The following CTNNA2 variants were observed in gnomAD, a reference collection of about 807,000 sequenced individuals.
CTNNA2 encodes catenin alpha-2.
CTNNA2 carries 42 observed loss-of-function variants against 101.0 expected under a neutral mutation model. The observed-to-expected ratio is 0.42, with a 90% CI of 0.32 to 0.54. CTNNA2 has a LOEUF of 0.54. CTNNA2 is among the 20% of genes least tolerant of loss of function. The probability of loss-of-function intolerance (pLI) is 0.14; values close to 1 mark genes in which losing one functional copy is unlikely to be tolerated. For synonymous variants in CTNNA2, 450 were observed against 456.4 expected, an observed-to-expected ratio of 0.99 and a Z score of 0.18; for missense variants, 871 against 1,223.1, an observed-to-expected ratio of 0.71 and a Z score of 4.29.
chr2:79,906,606 A>G (rs1282756240), intron 6 of CTNNA2, among the ~76,000 whole-genome samples: 1 of 152,194 alleles, frequency 6.6e-6, no homozygotes, highest in Non-Finnish European at 1.5e-5. Context: ...TGTAACTTTT[A>G]TGCAGAGTTT....
intron 4 of CTNNA2, among the ~76,000 whole-genome samples, chr2:79,411,112 T>C (rs1312396239): frequency 6.6e-6 from 1 of 152,164 alleles, no homozygotes; most frequent in Admixed American, 6.6e-5. Context: ...TATTCTCAGA[T>C]GGTAGTTTGT....
chr2:80,452,450 A>G lies in CTNNA2; in HGVS notation c.1290+32849A>G, dbSNP rs187920311. 8.9e-5 allele frequency among the ~76,000 whole-genome samples: 13 copies of G among 145,580 alleles called. No homozygotes were observed. In the East Asian group the frequency reaches 2.3e-3, roughly 26 times the overall value. On this transcript the variant is annotated intron_variant, in intron 9 of 18. Coordinates refer to ENST00000402739, the MANE Select transcript of CTNNA2 (RefSeq NM_001282597.3). ...TGTGTGCCCAATAGTTTTTAACCCA[A>G]TGGTCCATAAAATTCCATCTGTTTC...
intron 1 of CTNNA2, among the ~76,000 whole-genome samples, chr2:79,193,968 T>A (rs138892445): frequency 6.6e-6 from 1 of 152,252 alleles, no homozygotes; most frequent in African/African-American, 2.4e-5. Context: ...TTTATCATTA[T>A]GATAACTTCA....
At chr2:79,363,515 T>C (rs1416945161) in intron 3 of CTNNA2, among the ~76,000 whole-genome samples, 1 of 151,936 alleles carries the variant, frequency 6.6e-6, no homozygotes, top group Non-Finnish European at 1.5e-5. Flanking sequence ...TCTGTCTCTT[T>C]GTAGGTATTT....
chr2:80,324,936 GATCATT>G (rs1331945032), intron 7 of CTNNA2, among the ~76,000 whole-genome samples: 1 of 152,120 alleles, frequency 6.6e-6, no homozygotes, highest in Non-Finnish European at 1.5e-5. Flanking sequence ...GAAGGCATCA[GATCATT>G]ATCATAGCAC....
intron 4 of CTNNA2, among the ~76,000 whole-genome samples, chr2:79,486,741 T>C (rs1369622304): frequency 6.6e-6 from 1 of 152,192 alleles, no homozygotes; most frequent in African/African-American, 2.4e-5. Flanking sequence ...CACCTGTTGT[T>C]TCCTGACTTT....
chr2:79,706,902 G>T (rs1016962351), intron 2 of CTNNA2, among the ~76,000 whole-genome samples: 3 of 152,154 alleles, frequency 2.0e-5, no homozygotes, highest in Non-Finnish European at 4.4e-5. Context: ...ATATGGTAAG[G>T]TATGCTGCTT....
intron 1 of CTNNA2, among the ~76,000 whole-genome samples, chr2:79,562,596 A>G (rs901672083): frequency 1.3e-5 from 2 of 151,978 alleles, no homozygotes; most frequent in Admixed American, 6.6e-5. Flanking sequence ...ATAAAACATT[A>G]CCCAGCATTT....
At chr2:79,688,782 G>A (rs1428463824) in intron 2 of CTNNA2, among the ~76,000 whole-genome samples, 1 of 152,002 alleles carries the variant, frequency 6.6e-6, no homozygotes, top group Non-Finnish European at 1.5e-5. Context: ...TGATCTGGAG[G>A]GACAGAAATT....
At chr2:80,539,455 A>C (rs1339165537) in intron 9 of CTNNA2, among the ~76,000 whole-genome samples, 1 of 151,624 alleles carries the variant, frequency 6.6e-6, no homozygotes, top group Non-Finnish European at 1.5e-5. Context: ...TCTAGAAAGT[A>C]GTGCTAAACA....
At chr2:79,573,890 T>A (rs1248956491) in intron 1 of CTNNA2, 1 of 152,332 alleles carries the variant, frequency 6.6e-6, no homozygotes, top group East Asian at 1.9e-4. Context: ...AAGAGCAGTG[T>A]GGATTCTTTC....
At chr2:79,654,901 T>G (rs1178036441) in intron 2 of CTNNA2, among the ~76,000 whole-genome samples, 1 of 152,196 alleles carries the variant, frequency 6.6e-6, no homozygotes, top group Non-Finnish European at 1.5e-5. Context: ...TTTTTTATGG[T>G]CTGCAGTAAG....
intron 9 of CTNNA2, among the ~76,000 whole-genome samples, chr2:80,452,499 G>A (rs949962597): frequency 6.6e-6 from 1 of 151,498 alleles, no homozygotes; most frequent in Admixed American, 6.6e-5. Flanking sequence ...GTCTCATGGG[G>A]CTGATTGCCA....
intron 7 of CTNNA2, among the ~76,000 whole-genome samples, chr2:79,921,529 A>G (rs1169383921): frequency 6.6e-6 from 1 of 152,156 alleles, no homozygotes; most frequent in Non-Finnish European, 1.5e-5. Flanking sequence ...GTTGTTTTTC[A>G]AAACTTCTAA....
At position 80,187,542 on chromosome 2, in the gene CTNNA2, T is replaced by C. The variant is rs910402748; in HGVS notation, c.1057-205669T>C. On this transcript the variant is annotated intron_variant, in intron 7 of 18. Coordinates refer to ENST00000402739, the MANE Select transcript of CTNNA2 (RefSeq NM_001282597.3). ...CCTTTCCTTTTTTACAGAAAACATG[T>C]TTGTATTTCTAAGGGTTGTGTGGTT... Among the ~76,000 whole-genome samples, 56 of 152,294 alleles carry C rather than the reference T, an allele frequency of 3.7e-4. 1 individual carries two copies. Among genetic ancestry groups the C allele is most frequent in the Non-Finnish European group, 1.3e-4 (9 of 68,030 alleles).
intron 7 of CTNNA2, among the ~76,000 whole-genome samples, chr2:80,354,027 A>T (rs1252003340): frequency 6.6e-6 from 1 of 152,166 alleles, no homozygotes; most frequent in South Asian, 2.1e-4. Context: ...GGGTAAATGG[A>T]GGTAAATGAG....
chr2:80,484,814 G>A (rs1301179760), intron 9 of CTNNA2, among the ~76,000 whole-genome samples: 1 of 152,070 alleles, frequency 6.6e-6, no homozygotes, highest in Admixed American at 6.6e-5. Context: ...AGACCATCCT[G>A]GCTACCACGG....
At chr2:79,892,334 G>A (rs1684367659) in intron 6 of CTNNA2, among the ~76,000 whole-genome samples, 1 of 152,000 alleles carries the variant, frequency 6.6e-6, no homozygotes, top group Admixed American at 6.6e-5. Context: ...AGACAGTCAT[G>A]GCCATGAAAC....
At chr2:80,032,486 G>A (rs1695355204) in intron 7 of CTNNA2, among the ~76,000 whole-genome samples, 1 of 152,082 alleles carries the variant, frequency 6.6e-6, no homozygotes, top group Admixed American at 6.6e-5. Context: ...AGACACTGAA[G>A]TGAAAATTTG....
Sources: allele counts gnomAD v4.1 joint callset (sites outside exome capture counted in the v4.1 genomes callset), GRCh38; gene constraint gnomAD v4.1.1; transcripts MANE v1.5; gene names NCBI Gene and HGNC (gene_info 2026-07-23, HGNC 2026-07-21).